Variants in SPAST observed in about 807,000 individuals in gnomAD.
SPAST encodes spastin.
In SPAST, 30 loss-of-function variants were observed where a neutral mutation model predicts 76.6. The ratio of observed to expected loss-of-function variants is 0.39; its 90% CI spans 0.29 to 0.53. The LOEUF (loss-of-function observed/expected upper bound fraction) is 0.53, where lower values mean the gene tolerates loss of function less well. Ranked by LOEUF, SPAST falls within the 20% of genes least tolerant of loss-of-function variation. The pLI is 0.68. For synonymous variants in SPAST, 305 were observed against 281.0 expected, an observed-to-expected ratio of 1.09 and a Z score of -0.86; for missense variants, 717 against 770.5, an observed-to-expected ratio of 0.93 and a Z score of 0.82.
intron 15 of SPAST, among the ~76,000 whole-genome samples, 193 bp downstream of exon 15, chr2:32,145,200 C>G (rs1679848562): frequency 6.6e-6 from 1 of 152,056 alleles, no homozygotes; most frequent in Non-Finnish European, 1.5e-5. Flanking sequence ...TCAGGTGATT[C>G]TCCCACCCAG....
intron 1 of SPAST, among the ~76,000 whole-genome samples, chr2:32,078,217 C>T (rs1481044598): frequency 1.3e-5 from 2 of 152,110 alleles, no homozygotes; most frequent in African/African-American, 4.8e-5. Flanking sequence ...GTCTCGATCT[C>T]CTGACCTCGT....
chr2:32,074,082 G>A (rs1676857013), intron 1 of SPAST, among the ~76,000 whole-genome samples: 1 of 152,168 alleles, frequency 6.6e-6, no homozygotes, highest in African/African-American at 2.4e-5. Context: ...AGTAAAGGGT[G>A]TTAGGAAGAT....
chr2:32,152,759 T>A (rs942619069), intron 16 of SPAST, among the ~76,000 whole-genome samples: 4 of 151,680 alleles, frequency 2.6e-5, no homozygotes, highest in Non-Finnish European at 5.9e-5. Context: ...TTGGGGTTTT[T>A]TTTTTTGAGA....
At chr2:32,107,230 A>C (rs1043448819) in intron 4 of SPAST, among the ~76,000 whole-genome samples, 4 of 151,956 alleles carry the variant, frequency 2.6e-5, no homozygotes, top group Admixed American at 6.6e-5. Context: ...AAATGCTCTA[A>C]AATTCGACTC....
intron 5 of SPAST, 126 bp from the exon 6 acceptor site, chr2:32,115,576 T>G (rs1158238191): frequency 1.5e-6 from 1 of 679,632 alleles, no homozygotes; most frequent in Non-Finnish European, 2.5e-6. Flanking sequence ...AATATACAAT[T>G]TATGGATTTT....
At chr2:32,069,082 G>T (rs887357436) in intron 1 of SPAST, among the ~76,000 whole-genome samples, 1 of 151,914 alleles carries the variant, frequency 6.6e-6, no homozygotes, top group African/African-American at 2.4e-5. Flanking sequence ...GCATAGTGGT[G>T]CACGCCTGTA....
rs768241184 is a variant in SPAST, at chr2:32,114,737, C to T, written c.782C>T (p.Ser261Leu). 1.4e-5 allele frequency: 22 copies of T among 1,613,804 alleles called. No homozygotes were observed. The highest frequency in any genetic ancestry group is 1.6e-4 in the Middle Eastern group (1 of 6,084). Residue 261 changes from serine to leucine, a missense_variant, in exon 5 of 17, where the codon TCA (serine) becomes TTA (leucine). By Grantham distance (145) the Ser-to-Leu change is moderately radical (BLOSUM62 -2). Transcript: ENST00000315285. ...ATGAAAACTGGATCTGCAGGCCTTT[C>T]AGGCCACCATAGAGCACCTAGTTAC... Reference protein sequence around the residue: ...TVMKTGSAGLSGHHRAPSYSG... With the variant: ...TVMKTGSAGLLGHHRAPSYSG...
chr2:32,067,836 A>T (rs1380870406), intron 1 of SPAST, among the ~76,000 whole-genome samples: 1 of 145,536 alleles, frequency 6.9e-6, no homozygotes, highest in Non-Finnish European at 1.5e-5. Flanking sequence ...TTTGAACAAT[A>T]AAAAAAAAAT....
chr2:32,146,648 T>C (rs1679895210), intron 15 of SPAST, among the ~76,000 whole-genome samples: 1 of 151,834 alleles, frequency 6.6e-6, no homozygotes, highest in Non-Finnish European at 1.5e-5. Flanking sequence ...GGGTGGATCA[T>C]GAGGTCAGGA....
At chr2:32,114,434 G>T (rs1678742549) in intron 4 of SPAST, among the ~76,000 whole-genome samples, 1 of 151,950 alleles carries the variant, frequency 6.6e-6, no homozygotes, top group South Asian at 2.1e-4. Flanking sequence ...TTATACGTTA[G>T]GGGGAAAAAA....
Position 32,087,476 on chromosome 2 carries a change from A to T in SPAST, c.416-16A>T, listed in dbSNP as rs892023644. 6.6e-7 allele frequency: 1 copy of T among 1,521,292 alleles called. No individual in the cohort carries two copies. 94.2% of individuals were successfully genotyped at this position (1,521,292 alleles called of 1,614,324 possible). On this transcript the variant is annotated splice_polypyrimidine_tract_variant and intron_variant, in intron 1 of 16. Transcript: ENST00000315285. ...ACTCTTCATACGATCTATACAAATA[A>T]TTTTTTATTTTAAAGCAGGACAGAA...
At chr2:32,065,088 C>T (rs978685553) in intron 1 of SPAST, among the ~76,000 whole-genome samples, 4 of 151,536 alleles carry the variant, frequency 2.6e-5, no homozygotes, top group African/African-American at 7.3e-5. Flanking sequence ...GGTGCAGTCT[C>T]GGCTCACTGC....
chr2:32,141,171 G>C (rs893538978), intron 12 of SPAST, among the ~76,000 whole-genome samples: 9 of 152,150 alleles, frequency 5.9e-5, no homozygotes, highest in African/African-American at 2.2e-4. Context: ...ATGTAAATAA[G>C]AGATAGGGTT....
At chr2:32,147,148 GT>G in intron 15 of SPAST, 69 bp from the exon 16 acceptor site, 1 of 984,578 alleles carries the variant, frequency 1.0e-6, no homozygotes. Context: ...ATTGTACTTG[GT>G]TTTGCCCTTC....
intron 1 of SPAST, among the ~76,000 whole-genome samples, chr2:32,084,450 C>G (rs1368550480): frequency 6.6e-6 from 1 of 152,036 alleles, no homozygotes; most frequent in African/African-American, 2.4e-5. Flanking sequence ...AGGCATGAGC[C>G]ACCGCCCCTG....
At chr2:32,141,873 A>C (rs765111228) in intron 12 of SPAST, 31 bp from the exon 13 acceptor site, 77 of 1,581,054 alleles carry the variant, frequency 4.9e-5, no homozygotes, top group Non-Finnish European at 6.4e-5. Flanking sequence ...TCAAAATTAT[A>C]TTTCTAAAAG....
chr2:32,068,738 T>G (rs1676625359), intron 1 of SPAST, among the ~76,000 whole-genome samples: 1 of 151,992 alleles, frequency 6.6e-6, no homozygotes, highest in African/African-American at 2.4e-5. Flanking sequence ...AAAAATGAAG[T>G]AAAACTTTAG....
At chr2:32,132,504 C>T (rs1437085419) in intron 9 of SPAST, among the ~76,000 whole-genome samples, 32 of 151,274 alleles carry the variant, frequency 2.1e-4, no homozygotes, top group Non-Finnish European at 2.9e-5. Context: ...CTAATTTTTA[C>T]ATACTTGATT....
Position 32,114,653 on chromosome 2 carries a change from C to CA in SPAST, c.703dup (p.Arg235LysfsTer9), listed in dbSNP as rs1678753761. ...TCCTTGTCAGAAAGTGGAGCTGTTC[C>CA]AAAAAGAAAAGACCCCTTAACACAC... On this transcript the variant is annotated frameshift_variant, in exon 5 of 17. Transcript: ENST00000315285. LOFTEE classifies it high-confidence loss of function. 1 of 1,613,910 alleles carries CA rather than the reference C, an allele frequency of 6.2e-7. No homozygotes were observed. Among genetic ancestry groups the CA allele is most frequent in the Non-Finnish European group, 8.5e-7 (1 of 1,179,882 alleles).
Sources: allele counts gnomAD v4.1 joint callset (sites outside exome capture counted in the v4.1 genomes callset), GRCh38; gene constraint gnomAD v4.1.1; transcripts MANE v1.5; gene names NCBI Gene and HGNC (gene_info 2026-07-23, HGNC 2026-07-21).